NT5C3A: variants seen among roughly 807,000 people sequenced by gnomAD.
NT5C3A encodes the protein 5'-nucleotidase, cytosolic IIIA, also known as cytosolic 5'-nucleotidase 3A.
Under a neutral mutation model 40.0 loss-of-function variants are expected in NT5C3A, and 23 were observed. That is an observed-to-expected ratio of 0.58 (90% CI 0.41 to 0.81). The LOEUF (loss-of-function observed/expected upper bound fraction) is 0.81, where lower values mean the gene tolerates loss of function less well. Ranked by LOEUF, NT5C3A falls within the 40% of genes least tolerant of loss-of-function variation. The pLI, the probability that NT5C3A is intolerant of heterozygous loss-of-function variation, is 0.00. For missense variants in NT5C3A, 328 were observed against 403.0 expected (o/e 0.81, Z 1.59); for synonymous variants, 130 against 141.4 (o/e 0.92, Z 0.57).
intron 7 of NT5C3A, among the ~76,000 whole-genome samples, chr7:33,016,705 T>C (rs913584257): frequency 1.3e-5 from 2 of 151,564 alleles, no homozygotes; most frequent in Non-Finnish European, 2.9e-5. Flanking sequence ...CAAAATGAGT[T>C]CAAAATTCAA....
intron 1 of NT5C3A, among the ~76,000 whole-genome samples, chr7:33,042,803 T>C (rs949402369): frequency 6.6e-6 from 1 of 152,228 alleles, no homozygotes; most frequent in African/African-American, 2.4e-5. Context: ...CACAAAACTT[T>C]AGCTGCCAGG....
chr7:33,050,471 C>T lies in NT5C3A; in HGVS notation c.138+12097G>A, dbSNP rs1401126836. Among the ~76,000 whole-genome samples, 3 of 152,146 alleles carry T rather than the reference C, an allele frequency of 2.0e-5. No homozygotes were observed. The East Asian group carries it at 5.8e-4, about 29-fold the overall frequency. ...AACCCTAACCATTTGACAGAGAAAT[C>T]CAGATAGACTGAAAAACTGATCTTT... On this transcript the variant is annotated intron_variant, in intron 1 of 8. Transcript: ENST00000610140.
chr7:33,030,622 T>C (rs1393997567), intron 1 of NT5C3A, among the ~76,000 whole-genome samples: 1 of 152,192 alleles, frequency 6.6e-6, no homozygotes, highest in Admixed American at 6.5e-5. Context: ...TGTTGGTTGA[T>C]TGATGCCAAT....
chr7:33,019,561 G>C, intron 6 of NT5C3A, 74 bp downstream of exon 6: 1 of 904,172 alleles, frequency 1.1e-6, no homozygotes, highest in Non-Finnish European at 1.8e-6. Context: ...TTTTTAAAAA[G>C]TACAACTGAC....
At chr7:33,029,686 C>T in intron 1 of NT5C3A, 2 of 1,289,726 alleles carry the variant, frequency 1.6e-6, no homozygotes, top group Non-Finnish European at 2.0e-6. Context: ...ACACCAAGAC[C>T]ACTTCGAAGA....
At chr7:33,023,330 C>T (rs1785739825) in intron 3 of NT5C3A, among the ~76,000 whole-genome samples, 1 of 152,078 alleles carries the variant, frequency 6.6e-6, no homozygotes, top group Non-Finnish European at 1.5e-5. Context: ...GCAATCTTGG[C>T]TCACTGCAAA....
chr7:33,057,654 T>C (rs570472366), intron 1 of NT5C3A, among the ~76,000 whole-genome samples: 1 of 152,354 alleles, frequency 6.6e-6, no homozygotes, highest in African/African-American at 2.4e-5. Flanking sequence ...TGTTGAGATA[T>C]GTTTAAATTG....
In NT5C3A at chr7:33,024,094, A is replaced by G. The variant is rs1234945279; in HGVS notation, c.252T>C (p.Phe84=). ...ATGAAAATCTACTGAGTGTCATATC[A>G]AAGTCCGTTATTATCTGTAAGAAAA... ...GAAKLQIITD[F]DMTLSRFSYK... is the part of the protein sequence containing the mutation. Residue 84 remains phenylalanine (F), a synonymous_variant, in exon 3 of 9, where the codon TTT becomes TTC. Coordinates refer to ENST00000610140, the MANE Select transcript of NT5C3A (RefSeq NM_001002010.5). The G allele has an allele frequency of 1.7e-5, 27 of 1,576,856 alleles. No individual in the cohort carries two copies. Among genetic ancestry groups the G allele is most frequent in the Non-Finnish European group, 2.1e-5 (24 of 1,146,988 alleles).
intron 1 of NT5C3A, among the ~76,000 whole-genome samples, chr7:33,047,915 G>T (rs1482931586): frequency 6.6e-6 from 1 of 152,204 alleles, no homozygotes; most frequent in East Asian, 1.9e-4. Flanking sequence ...AACCTTCTGG[G>T]GTCAAGTGAT....
rs1019028303 is a variant in NT5C3A at position 33,041,237 on chromosome 7, C to A, written c.139-14322G>T. ...TTGTCAGTGGTTTGTCAGTGTACTT[C>A]TGATATGTGAACTTTTCTGTATATT... On this transcript the variant is annotated intron_variant, in intron 1 of 8. Coordinates refer to ENST00000610140, the MANE Select transcript of NT5C3A (RefSeq NM_001002010.5). 7 of 575,278 alleles carry A rather than the reference C, an allele frequency of 1.2e-5. No homozygotes were observed. In the African/African-American group the frequency reaches 1.4e-4, roughly 12 times the overall value. The allele number at this position is 575,278 out of a possible 1,614,324, so 35.6% of individuals were successfully genotyped here. A position where few individuals can be genotyped will look rare whatever the true frequency, so the allele number is the denominator to read the frequency against.
At chr7:33,057,964 C>T (rs961119144) in intron 1 of NT5C3A, among the ~76,000 whole-genome samples, 2 of 152,126 alleles carry the variant, frequency 1.3e-5, no homozygotes, top group Non-Finnish European at 2.9e-5. Flanking sequence ...TGGATAAATA[C>T]TCTACTTTAG....
At chr7:33,022,024 A>G (rs1785653064) in intron 4 of NT5C3A, 29 bp downstream of exon 4, 1 of 1,323,962 alleles carries the variant, frequency 7.6e-7, no homozygotes, top group Admixed American at 1.7e-5. Context: ...GAAGTCTTTG[A>G]GTGACTATAG....
chr7:33,056,037 G>A (rs1029855942), intron 1 of NT5C3A, among the ~76,000 whole-genome samples: 7 of 152,160 alleles, frequency 4.6e-5, no homozygotes, highest in Admixed American at 4.6e-4. Flanking sequence ...TTGAGCTCAG[G>A]AGTTTGAGGC....
At chr7:33,034,072 T>C (rs1314707115) in intron 1 of NT5C3A, among the ~76,000 whole-genome samples, 1 of 151,694 alleles carries the variant, frequency 6.6e-6, no homozygotes, top group East Asian at 1.9e-4. Context: ...TTTGTATTTT[T>C]AGTAGGGACG....
At chr7:33,039,270 T>C (rs560597755) in intron 1 of NT5C3A, among the ~76,000 whole-genome samples, 4 of 152,164 alleles carry the variant, frequency 2.6e-5, no homozygotes, top group South Asian at 2.1e-4. Flanking sequence ...GAATGCAAAC[T>C]GATTACTTTT....
At chr7:33,019,822 C>T in intron 5 of NT5C3A, 98 bp from the exon 6 acceptor site, 1 of 753,866 alleles carries the variant, frequency 1.3e-6, no homozygotes, top group Admixed American at 2.0e-5. Context: ...AAAATCTGTT[C>T]CTCATATTTG....
chr7:33,026,044 G>A (rs1307278092), intron 2 of NT5C3A, among the ~76,000 whole-genome samples: 1 of 152,156 alleles, frequency 6.6e-6, no homozygotes, highest in African/African-American at 2.4e-5. Flanking sequence ...AAATTAGCTG[G>A]GTGTGGTGGC....
intron 1 of NT5C3A, among the ~76,000 whole-genome samples, chr7:33,032,836 C>T (rs1786357498): frequency 6.6e-6 from 1 of 152,184 alleles, no homozygotes; most frequent in African/African-American, 2.4e-5. Context: ...TCACTGCAGA[C>T]TTGACCTCCT....
intron 1 of NT5C3A, among the ~76,000 whole-genome samples, chr7:33,027,987 T>C (rs1002712072): frequency 1.2e-4 from 19 of 152,186 alleles, no homozygotes; most frequent in African/African-American, 4.3e-4. Context: ...TCACAATTAT[T>C]CCCCCAAAAG....
Sources: gnomAD v4.1 joint callset for allele counts (sites outside exome capture counted in the v4.1 genomes callset) on GRCh38, gnomAD v4.1.1 for gene constraint, MANE v1.5 for transcripts, NCBI Gene and HGNC (gene_info 2026-07-23, HGNC 2026-07-21) for gene names.